UNC13C: variants seen among roughly 807,000 people sequenced by gnomAD.
UNC13C encodes protein unc-13 homolog C.
Under a neutral mutation model 245.4 loss-of-function variants are expected in UNC13C, and 174 were observed. That is an observed-to-expected ratio of 0.71 (90% CI 0.63 to 0.80). The LOEUF is 0.80. Ranked by LOEUF, UNC13C falls within the 30% of genes least tolerant of loss-of-function variation. UNC13C has a pLI of 0.00. For missense variants in UNC13C, 2,829 were observed against 2,602.9 expected, an observed-to-expected ratio of 1.09 and a Z score of -1.89; for synonymous variants, 992 against 895.1, an observed-to-expected ratio of 1.11 and a Z score of -1.93.
chr15:53,893,987 A>G, the UNC13C span, among the ~76,000 whole-genome samples: 2 of 152,194 alleles, frequency 1.3e-5, no homozygotes, highest in Non-Finnish European at 2.9e-5. Flanking sequence ...ACTGGAGGGA[A>G]TCTGCTGGTC....
Position 54,014,715 on chromosome 15 carries a change from G to C in UNC13C, c.1812G>C (p.Gln604His). ...CCCTGTATGACAGTCCCAAGGACCA[G>C]CATTTGAATGGAGGTGTTCAGGGTA... ...TATLYDSPKD[Q>H]HLNGGVQGIQ... Residue 604 changes from glutamine to histidine, a missense_variant, in exon 2 of 33, where the codon CAG becomes CAC. Gln to His is a conservative substitution (Grantham distance 24, BLOSUM62 0). Transcript: ENST00000260323. 6.2e-7 allele frequency: 1 copy of C among 1,613,822 alleles called. No homozygotes were observed. The highest frequency in any genetic ancestry group is 8.5e-7 in the Non-Finnish European group (1 of 1,179,848).
intron 4 of UNC13C, among the ~76,000 whole-genome samples, chr15:54,163,481 A>G (rs1380657185): frequency 1.3e-5 from 2 of 152,242 alleles, no homozygotes; most frequent in East Asian, 1.9e-4. Context: ...TTCTCCATCA[A>G]TTTTTTAAAT....
intron 26 of UNC13C, among the ~76,000 whole-genome samples, chr15:54,542,126 G>A (rs532117682): frequency 3.9e-5 from 6 of 151,974 alleles, no homozygotes; most frequent in Non-Finnish European, 7.4e-5. Flanking sequence ...ATTGCTCTAG[G>A]TTTAATAAGT....
At chr15:54,530,056 G>T (rs77140214) in intron 25 of UNC13C, among the ~76,000 whole-genome samples, 3 of 152,118 alleles carry the variant, frequency 2.0e-5, no homozygotes, top group Non-Finnish European at 4.4e-5. Context: ...ATTGCTCTTC[G>T]TGACATTTAA....
At chr15:54,540,772 G>A (rs1363526225) in intron 26 of UNC13C, among the ~76,000 whole-genome samples, 5 of 152,056 alleles carry the variant, frequency 3.3e-5, no homozygotes, top group African/African-American at 1.2e-4. Context: ...CTGCGCACGT[G>A]ACAATGATTT....
chr15:54,495,208 CAT>C (rs1216078841), intron 20 of UNC13C, among the ~76,000 whole-genome samples: 4 of 152,108 alleles, frequency 2.6e-5, no homozygotes, highest in African/African-American at 7.2e-5. Flanking sequence ...CACAAGGACT[CAT>C]GTAATAATTT....
the UNC13C span, among the ~76,000 whole-genome samples, chr15:53,874,432 A>G: frequency 3.3e-5 from 5 of 152,218 alleles, no homozygotes; most frequent in African/African-American, 1.2e-4. Context: ...TCTGACTTCT[A>G]TCCCCAAGGT....
chr15:54,424,722 A>G (rs2040722528), intron 19 of UNC13C, among the ~76,000 whole-genome samples: 1 of 151,726 alleles, frequency 6.6e-6, no homozygotes, highest in African/African-American at 2.4e-5. Context: ...AATTAGGGGC[A>G]AGAAAATGGC....
At chr15:54,379,024 C>T (rs565078) in intron 17 of UNC13C, among the ~76,000 whole-genome samples, 82,151 of 151,660 alleles carry the variant, frequency 0.54, 22,722 homozygotes, top group East Asian at 0.85. Context: ...AACTGAAATA[C>T]TCTAATATAT....
rs953542605 is a variant in UNC13C, at chr15:54,476,724, G to C, written c.4934-17884G>C. Among the ~76,000 whole-genome samples the C allele has an allele frequency of 1.0e-4, 15 of 150,268 alleles. No homozygotes were observed. In the East Asian group the frequency reaches 3.1e-3, roughly 31 times the overall value. ...TTGGTTACTGTAGCCTTGTAGTATA[G>C]TTTGAAGTCAGGTAGCATGATGCCT... On this transcript the variant is annotated intron_variant, in intron 19 of 32. Transcript: ENST00000260323.
intron 4 of UNC13C, among the ~76,000 whole-genome samples, chr15:54,190,261 CT>C (rs760732567): frequency 2.0e-5 from 3 of 152,046 alleles, no homozygotes; most frequent in African/African-American, 7.2e-5. Flanking sequence ...TTTTCTTTTT[CT>C]TTTTTTATTT....
intron 4 of UNC13C, among the ~76,000 whole-genome samples, chr15:54,181,779 A>C (rs1025775306): frequency 6.6e-6 from 1 of 151,752 alleles, no homozygotes; most frequent in African/African-American, 2.4e-5. Flanking sequence ...GGTTTAAAAA[A>C]ATTTTTTTAT....
chr15:54,283,178 G>A (rs1487069713), intron 10 of UNC13C, among the ~76,000 whole-genome samples: 1 of 152,146 alleles, frequency 6.6e-6, no homozygotes, highest in African/African-American at 2.4e-5. Context: ...CAGCTTTGAG[G>A]AGGGGTTTCA....
At chr15:53,985,076 A>G (rs1166679310) in intron 1 of UNC13C, among the ~76,000 whole-genome samples, 1 of 151,650 alleles carries the variant, frequency 6.6e-6, no homozygotes, top group Non-Finnish European at 1.5e-5. Flanking sequence ...CTATTGACCC[A>G]TCCTCTAAGT....
chr15:54,383,381 C>T (rs2039768948), intron 17 of UNC13C, among the ~76,000 whole-genome samples: 1 of 152,082 alleles, frequency 6.6e-6, no homozygotes, highest in African/African-American at 2.4e-5. Context: ...CATAGTTCAA[C>T]ATATTCAGGT....
intron 30 of UNC13C, among the ~76,000 whole-genome samples, chr15:54,573,188 T>G (rs1248096795): frequency 1.3e-5 from 2 of 152,224 alleles, no homozygotes; most frequent in African/African-American, 4.8e-5. Context: ...GTTTATTCTT[T>G]TTTCCTTCTT....
intron 19 of UNC13C, among the ~76,000 whole-genome samples, chr15:54,485,129 A>T (rs1893337425): frequency 6.6e-6 from 1 of 152,224 alleles, no homozygotes; most frequent in Admixed American, 6.5e-5. Flanking sequence ...GGAAGCTATA[A>T]ACCAGCAAAG....
At chr15:54,226,475 C>CA (rs1567114939) in intron 4 of UNC13C, among the ~76,000 whole-genome samples, 1 of 152,148 alleles carries the variant, frequency 6.6e-6, no homozygotes, top group African/African-American at 2.4e-5. Flanking sequence ...CTTGGAGTGT[C>CA]AATTTGCTAG....
chr15:54,625,115 T>G (rs1415651434), intron 32 of UNC13C, among the ~76,000 whole-genome samples: 2 of 152,156 alleles, frequency 1.3e-5, no homozygotes, highest in Non-Finnish European at 2.9e-5. Context: ...GTATACTTAC[T>G]TGCCTTGAAA....
Sources: allele counts gnomAD v4.1 joint callset (sites outside exome capture counted in the v4.1 genomes callset), GRCh38; gene constraint gnomAD v4.1.1; transcripts MANE v1.5; gene names NCBI Gene and HGNC (gene_info 2026-07-23, HGNC 2026-07-21).